JPH3: variants seen among roughly 807,000 people sequenced by gnomAD.
JPH3 encodes the protein junctophilin 3.
Under a neutral mutation model 59.6 loss-of-function variants are expected in JPH3, and 11 were observed. The ratio of observed to expected loss-of-function variants is 0.18; its 90% CI spans 0.12 to 0.31. The LOEUF (loss-of-function observed/expected upper bound fraction) is 0.31, where lower values mean the gene tolerates loss of function less well. Among genes scored for constraint, JPH3 ranks in the 10% least tolerant of loss-of-function variants. The probability of loss-of-function intolerance (pLI) is 1.00; values close to 1 mark genes in which losing one functional copy is unlikely to be tolerated. For synonymous variants in JPH3, 673 were observed against 483.6 expected, an observed-to-expected ratio of 1.39 and a Z score of -5.14; for missense variants, 1,202 against 1,105.7, an observed-to-expected ratio of 1.09 and a Z score of -1.24.
intron 1 of JPH3, among the ~76,000 whole-genome samples, chr16:87,639,064 C>A (rs1326109859): frequency 4.6e-5 from 7 of 152,134 alleles, no homozygotes; most frequent in Non-Finnish European, 7.4e-5. Flanking sequence ...GTTCCTAGGG[C>A]GGCCACAGCC....
intron 1 of JPH3, among the ~76,000 whole-genome samples, chr16:87,620,493 G>GAGA (rs2031144794): frequency 1.5e-5 from 1 of 66,436 alleles, no homozygotes; most frequent in South Asian, 4.7e-4. Context: ...GAGGGAGAGG[G>GAGA]GGAGGGGAAG....
intron 1 of JPH3, 144 bp downstream of exon 1, chr16:87,603,672 CA>C: frequency 8.4e-6 from 9 of 1,076,276 alleles, no homozygotes; most frequent in Non-Finnish European, 1.0e-5. Context: ...CCCTGGAAGC[CA>C]CGGCGGCTCC....
At chr16:87,639,723 C>G (rs189795934) in intron 1 of JPH3, among the ~76,000 whole-genome samples, 233 of 152,210 alleles carry the variant, frequency 1.5e-3, no homozygotes, top group Middle Eastern at 6.8e-3. Flanking sequence ...GTCTATGAGT[C>G]TGATGACTCC....
intron 2 of JPH3, among the ~76,000 whole-genome samples, chr16:87,655,209 GC>G (rs1461162818): frequency 1.3e-5 from 2 of 152,216 alleles, no homozygotes; most frequent in Admixed American, 6.5e-5. Flanking sequence ...CGCCACCCCC[GC>G]CAGGGCCCTT....
At chr16:87,677,166 C>G (rs1013038205) in intron 2 of JPH3, among the ~76,000 whole-genome samples, 4 of 141,040 alleles carry the variant, frequency 2.8e-5, no homozygotes, top group African/African-American at 1.1e-4. Context: ...TATACACACA[C>G]ACACGCACTA....
chr16:87,617,614 G>C (rs1191403424), intron 1 of JPH3, among the ~76,000 whole-genome samples: 4 of 146,878 alleles, frequency 2.7e-5, no homozygotes, highest in Non-Finnish European at 4.5e-5. Flanking sequence ...TGGAGATAGT[G>C]GCTGGGTCTG....
intron 2 of JPH3, among the ~76,000 whole-genome samples, chr16:87,647,097 C>T (rs1234566048): frequency 2.0e-5 from 3 of 152,156 alleles, no homozygotes; most frequent in Non-Finnish European, 4.4e-5. Flanking sequence ...TAACAGCTCC[C>T]TTCCTGGGGC....
chr16:87,678,613 C>T (rs1375801356), intron 2 of JPH3, among the ~76,000 whole-genome samples: 1 of 152,184 alleles, frequency 6.6e-6, no homozygotes, highest in African/African-American at 2.4e-5. Flanking sequence ...CTGTAGTGGG[C>T]TGAATGGTGT....
chr16:87,679,389 C>A (rs1163069603), intron 2 of JPH3, among the ~76,000 whole-genome samples: 2 of 152,214 alleles, frequency 1.3e-5, no homozygotes, highest in Non-Finnish European at 2.9e-5. Context: ...AACAACCCAG[C>A]CTGGGTCAGG....
chr16:87,677,226 A>ACACACACACACACACACACAC (rs1491554199), intron 2 of JPH3, among the ~76,000 whole-genome samples: 16 of 88,104 alleles, frequency 1.8e-4, no homozygotes, highest in African/African-American at 2.7e-4. Context: ...ACACACACAC[A>ACACACACACACACACACACAC]AAAAAAAAAA....
intron 1 of JPH3, among the ~76,000 whole-genome samples, chr16:87,624,051 C>G (rs2031283090): frequency 6.6e-6 from 1 of 152,218 alleles, no homozygotes; most frequent in African/African-American, 2.4e-5. Context: ...GCTGGGGCAG[C>G]CTCCAGAGGC....
At chr16:87,665,656 G>C (rs1363509747) in intron 2 of JPH3, among the ~76,000 whole-genome samples, 1 of 152,202 alleles carries the variant, frequency 6.6e-6, no homozygotes, top group African/African-American at 2.4e-5. Context: ...AGGAAGCTGG[G>C]GGTGGGAGCA....
intron 1 of JPH3, among the ~76,000 whole-genome samples, chr16:87,617,080 C>T (rs995843126): frequency 1.4e-4 from 21 of 151,462 alleles, no homozygotes; most frequent in Admixed American, 8.5e-4. Context: ...TAAAATTAGC[C>T]GGGTGCGGTG....
Position 87,663,746 on chromosome 16 carries a change from C to T in JPH3, c.1160+18711C>T, listed in dbSNP as rs577446454. ...ACTCTGCACCAGCTCTCCAGCCCACCTCCCTCGGTAAACTTACAGCGTTTT... is the reference window on the plus strand; with the variant it reads ...ACTCTGCACCAGCTCTCCAGCCCACTTCCCTCGGTAAACTTACAGCGTTTT... On this transcript the variant is annotated intron_variant, in intron 2 of 4. Coordinates refer to ENST00000284262, the MANE Select transcript of JPH3 (RefSeq NM_020655.4). 2.0e-5 allele frequency among the ~76,000 whole-genome samples: 3 copies of T among 152,342 alleles called. No homozygotes were observed. In the East Asian group the frequency reaches 5.8e-4, roughly 29 times the overall value.
chr16:87,610,636 C>T (rs1038774158), intron 1 of JPH3, among the ~76,000 whole-genome samples: 4 of 152,192 alleles, frequency 2.6e-5, no homozygotes, highest in South Asian at 2.1e-4. Context: ...GTGAGACCCT[C>T]ATGTCCACAG....
At chr16:87,683,558 C>T (rs1414646875) in intron 2 of JPH3, among the ~76,000 whole-genome samples, 2 of 152,208 alleles carry the variant, frequency 1.3e-5, no homozygotes, top group Admixed American at 6.5e-5. Flanking sequence ...CCCGCCTCAG[C>T]CTCCCAAAGT....
chr16:87,626,868 G>A (rs1371278364), intron 1 of JPH3, among the ~76,000 whole-genome samples: 1 of 152,210 alleles, frequency 6.6e-6, no homozygotes, highest in Non-Finnish European at 1.5e-5. Flanking sequence ...AGGAGGGCAT[G>A]GTGGCTCATG....
chr16:87,612,598 A>G (rs1198835078), intron 1 of JPH3, among the ~76,000 whole-genome samples: 2 of 152,182 alleles, frequency 1.3e-5, no homozygotes, highest in Non-Finnish European at 2.9e-5. Context: ...GACACTGGAA[A>G]CTTTAAGGCG....
intron 2 of JPH3, among the ~76,000 whole-genome samples, chr16:87,663,546 T>A (rs1310482552): frequency 6.6e-6 from 1 of 152,202 alleles, no homozygotes; most frequent in Non-Finnish European, 1.5e-5. Context: ...CTTTGTGAGA[T>A]TTCACCCACC....
Sources: allele counts gnomAD v4.1 joint callset (sites outside exome capture counted in the v4.1 genomes callset), GRCh38; gene constraint gnomAD v4.1.1; transcripts MANE v1.5; gene names NCBI Gene and HGNC (gene_info 2026-07-23, HGNC 2026-07-21).